Variants in RCOR1 observed in about 807,000 individuals in gnomAD.
RCOR1 encodes the protein REST corepressor.
A neutral mutation model predicts 64.0 loss-of-function variants in RCOR1; 12 were observed. The observed-to-expected ratio is 0.19, with a 90% CI of 0.12 to 0.30. The LOEUF (loss-of-function observed/expected upper bound fraction) is 0.30, where lower values mean the gene tolerates loss of function less well. Among genes scored for constraint, RCOR1 ranks in the 10% least tolerant of loss-of-function variants. The probability of loss-of-function intolerance (pLI) is 1.00; values close to 1 mark genes in which losing one functional copy is unlikely to be tolerated. For missense variants in RCOR1, 502 were observed against 621.2 expected (o/e 0.81, Z 2.04); for synonymous variants, 279 against 227.2 (o/e 1.23, Z -2.05).
At chr14:102,594,077 G>T in intron 2 of RCOR1, among the ~76,000 whole-genome samples, 1 of 152,124 alleles carries the variant, frequency 6.6e-6, no homozygotes, top group East Asian at 1.9e-4. Context: ...TAGTTCCCTG[G>T]CTGCTATTCT....
intron 2 of RCOR1, among the ~76,000 whole-genome samples, chr14:102,671,896 C>G (rs1449151995): frequency 6.6e-6 from 1 of 152,176 alleles, no homozygotes; most frequent in Non-Finnish European, 1.5e-5. Flanking sequence ...ATCTTTCTGT[C>G]TGGACGGTTC....
At chr14:102,724,965 C>G (rs1278883749) in intron 11 of RCOR1, among the ~76,000 whole-genome samples, 1 of 152,118 alleles carries the variant, frequency 6.6e-6, no homozygotes, top group Non-Finnish European at 1.5e-5. Context: ...ATGAGAATTC[C>G]TAGAAGTTCT....
At chr14:102,670,287 CT>C (rs1383100721) in intron 2 of RCOR1, among the ~76,000 whole-genome samples, 2 of 152,072 alleles carry the variant, frequency 1.3e-5, no homozygotes, top group Non-Finnish European at 2.9e-5. Context: ...TATTTATTAT[CT>C]TTTTGAGTCC....
At chr14:102,665,008 T>C (rs886903979) in intron 2 of RCOR1, among the ~76,000 whole-genome samples, 7 of 151,186 alleles carry the variant, frequency 4.6e-5, no homozygotes, top group Non-Finnish European at 7.4e-5. Context: ...TATTCAACCC[T>C]TTTTTTTTGT....
intron 2 of RCOR1, among the ~76,000 whole-genome samples, chr14:102,672,309 A>G (rs1220859515): frequency 6.6e-6 from 1 of 151,698 alleles, no homozygotes; most frequent in Non-Finnish European, 1.5e-5. Context: ...ACCTCCTGTT[A>G]CGCCATTTTC....
intron 2 of RCOR1, among the ~76,000 whole-genome samples, chr14:102,646,393 C>G (rs1894478956): frequency 6.6e-6 from 1 of 152,128 alleles, no homozygotes; most frequent in Non-Finnish European, 1.5e-5. Context: ...ATAGGAAATA[C>G]AGGTTGCATA....
At chr14:102,606,173 G>C (rs1310730383) in intron 2 of RCOR1, among the ~76,000 whole-genome samples, 2 of 152,216 alleles carry the variant, frequency 1.3e-5, no homozygotes, top group Non-Finnish European at 2.9e-5. Flanking sequence ...TGATCTGCCT[G>C]CTTCGGCCTC....
chr14:102,679,714 A>T (rs534544762), intron 2 of RCOR1, among the ~76,000 whole-genome samples: 1 of 152,258 alleles, frequency 6.6e-6, no homozygotes, highest in African/African-American at 2.4e-5. Flanking sequence ...CCCTGACTTC[A>T]TGATCCTCCT....
rs199697583 is a variant in RCOR1, at chr14:102,635,659, AT to A, written c.361+42343del. ...ACCATAATTTGACGCAAGTTGACACATTTTTTTTTCTAATATTCTGTATTAC... is the reference window on the plus strand; with the variant it reads ...ACCATAATTTGACGCAAGTTGACACATTTTTTTTCTAATATTCTGTATTAC... On this transcript the variant is annotated intron_variant, in intron 2 of 11. Transcript: ENST00000262241. Among the ~76,000 whole-genome samples, 9 of 151,120 alleles carry A rather than the reference AT, an allele frequency of 6.0e-5. 1 individual carries two copies. The highest frequency in any genetic ancestry group is 2.1e-4 in the South Asian group (1 of 4,788).
At chr14:102,704,215 TTC>T (rs1895805288) in intron 4 of RCOR1, among the ~76,000 whole-genome samples, 2 of 152,192 alleles carry the variant, frequency 1.3e-5, no homozygotes, top group African/African-American at 4.8e-5. Flanking sequence ...TCCTGTACTC[TTC>T]TCTAGTCATG....
At chr14:102,688,727 G>T (rs1895470486) in intron 3 of RCOR1, among the ~76,000 whole-genome samples, 1 of 152,112 alleles carries the variant, frequency 6.6e-6, no homozygotes, top group African/African-American at 2.4e-5. Context: ...AAGTATAGGT[G>T]CACTGTTCCA....
At chr14:102,682,940 T>G (rs1433578316) in intron 3 of RCOR1, among the ~76,000 whole-genome samples, 1 of 152,232 alleles carries the variant, frequency 6.6e-6, no homozygotes, top group Non-Finnish European at 1.5e-5. Context: ...TCTCACTTAT[T>G]TCTCAGGCTG....
chr14:102,633,669 AG>A (rs1894173633), intron 2 of RCOR1, among the ~76,000 whole-genome samples: 3 of 152,110 alleles, frequency 2.0e-5, no homozygotes, highest in Non-Finnish European at 4.4e-5. Context: ...CCTTCTTAGT[AG>A]CTGGAATTAC....
chr14:102,615,371 G>A (rs1893737128), intron 2 of RCOR1, among the ~76,000 whole-genome samples: 1 of 151,540 alleles, frequency 6.6e-6, no homozygotes, highest in Non-Finnish European at 1.5e-5. Context: ...CGAACCCCTG[G>A]GCTCAAGCAA....
intron 2 of RCOR1, among the ~76,000 whole-genome samples, chr14:102,623,394 ATTTATTTATTTAT>A (rs1893916330): frequency 7.3e-6 from 1 of 136,066 alleles, no homozygotes; most frequent in African/African-American, 3.1e-5. Flanking sequence ...TTTATTATTT[ATTTATTTATTTAT>A]TTATTTATTT....
chr14:102,653,927 CTTT>C (rs1567423181), intron 2 of RCOR1, among the ~76,000 whole-genome samples: 1 of 21,726 alleles, frequency 4.6e-5, no homozygotes, highest in South Asian at 1.4e-3. Context: ...TTCCTTCTTT[CTTT>C]CTTTCTTTCT....
At chr14:102,725,974 A>G (rs747922804) in intron 11 of RCOR1, among the ~76,000 whole-genome samples, 2 of 152,172 alleles carry the variant, frequency 1.3e-5, no homozygotes, top group Non-Finnish European at 2.9e-5. Flanking sequence ...ACTTCTTTGC[A>G]CATATTGGGG....
chr14:102,721,489 T>A, intron 10 of RCOR1, 112 bp downstream of exon 10: 1 of 692,796 alleles, frequency 1.4e-6, no homozygotes, highest in East Asian at 2.8e-5. Flanking sequence ...AGCTCAAGGC[T>A]GCATTGATCC....
In RCOR1 at chr14:102,726,659, C is replaced by A; in HGVS notation, c.*153C>A. On this transcript the variant is annotated 3_prime_UTR_variant, in exon 12 of 12. Transcript: ENST00000262241. ...TACTTCCAGTCCTGTGCTCCATCTG[C>A]CTTAATTCTTTGCTCGTTCCTCCAT... is the stretch of plus-strand genomic sequence containing the variant. The A allele has an allele frequency of 1.6e-6, 1 of 639,258 alleles. No homozygotes were observed. Among genetic ancestry groups the A allele is most frequent in the Non-Finnish European group, 2.7e-6 (1 of 376,568 alleles). 39.6% of individuals were successfully genotyped at this position (639,258 alleles called of 1,614,324 possible).
Sources: allele counts gnomAD v4.1 joint callset (sites outside exome capture counted in the v4.1 genomes callset), GRCh38; gene constraint gnomAD v4.1.1; transcripts MANE v1.5; gene names NCBI Gene and HGNC (gene_info 2026-07-23, HGNC 2026-07-21).